TLCD4: variants seen among roughly 807,000 people sequenced by gnomAD.
The protein encoded by TLCD4 is TLC domain-containing protein 4.
A neutral mutation model predicts 24.2 loss-of-function variants in TLCD4; 7 were observed. That is an observed-to-expected ratio of 0.29 (90% confidence interval 0.16 to 0.54). TLCD4 has a LOEUF of 0.54. Among genes scored for constraint, TLCD4 ranks in the 20% least tolerant of loss-of-function variants. The pLI is 0.95. For missense variants in TLCD4, 259 were observed against 313.9 expected (o/e 0.82, Z 1.32); for synonymous variants, 103 against 106.4 (o/e 0.97, Z 0.20).
At chr1:95,131,449 G>A (rs1007977823) in intron 1 of TLCD4, among the ~76,000 whole-genome samples, 2 of 152,196 alleles carry the variant, frequency 1.3e-5, no homozygotes, top group African/African-American at 4.8e-5. Context: ...ACTGAGGCTG[G>A]AGAAGATGGA....
At position 95,159,284 on chromosome 1, in the gene TLCD4, C is replaced by T. The variant is rs533871919; in HGVS notation, c.399+7865C>T. Among the ~76,000 whole-genome samples, 662 of 152,284 alleles carry T rather than the reference C, an allele frequency of 4.3e-3. 6 individuals are homozygous for T. The highest frequency in any genetic ancestry group is 0.015 in the African/African-American group (611 of 41,560). On this transcript the variant is annotated intron_variant, in intron 5 of 6. Coordinates refer to ENST00000370203, the MANE Select transcript of TLCD4 (RefSeq NM_152487.3). ...TGATGATGAGCATTTTTTCACGTGT[C>T]TGTTGGCTGCATAGATGTCTTCTTT...
At chr1:95,180,645 G>A (rs115241682) in intron 6 of TLCD4, among the ~76,000 whole-genome samples, 2,530 of 152,188 alleles carry the variant, frequency 0.017, 38 homozygotes, top group East Asian at 0.072. Flanking sequence ...CCACACGCAG[G>A]TTTCTTTTAT....
intron 5 of TLCD4, among the ~76,000 whole-genome samples, chr1:95,167,175 A>G (rs1426418855): frequency 6.6e-6 from 1 of 152,086 alleles, no homozygotes; most frequent in Non-Finnish European, 1.5e-5. Flanking sequence ...CCCATTTTAC[A>G]AAAGGAGAAA....
rs752582716 is a variant in TLCD4 at position 95,181,087 on chromosome 1, ACT to A, written c.473+7201_473+7202del. The stretch of plus-strand genomic sequence containing the variant: ...ACTCCAGCCTGGGTGATAGAGTGAG[ACT>A]CTGTCTCAGAAAAAAACAAAAAATT... On this transcript the variant is annotated intron_variant, in intron 6 of 6. Coordinates refer to ENST00000370203, the MANE Select transcript of TLCD4 (RefSeq NM_152487.3). 2.6e-5 allele frequency among the ~76,000 whole-genome samples: 4 copies of A among 152,180 alleles called. No individual in the cohort carries two copies. In the East Asian group the frequency reaches 7.7e-4, roughly 29 times the overall value.
intron 5 of TLCD4, among the ~76,000 whole-genome samples, chr1:95,170,473 G>C (rs1039866099): frequency 6.6e-6 from 1 of 151,810 alleles, no homozygotes; most frequent in Admixed American, 6.6e-5. Context: ...GGGACTATAG[G>C]CACCCGCCAC....
At chr1:95,160,988 G>C (rs1027623453) in intron 5 of TLCD4, among the ~76,000 whole-genome samples, 14 of 152,144 alleles carry the variant, frequency 9.2e-5, no homozygotes, top group Admixed American at 5.9e-4. Flanking sequence ...TCTCTGCCAG[G>C]CTTTGGTATC....
chr1:95,173,610 G>GT (rs1201457016), intron 5 of TLCD4, among the ~76,000 whole-genome samples: 3 of 152,184 alleles, frequency 2.0e-5, no homozygotes, highest in Non-Finnish European at 2.9e-5. Context: ...ATAATTTACT[G>GT]TTTTTTAAAA....
chr1:95,194,451 CATTT>C lies in TLCD4; in HGVS notation c.*2587_*2590del, dbSNP rs1679130587. 7.3e-6 allele frequency: 1 copy of C among 137,610 alleles called. No homozygotes were observed. The highest frequency in any genetic ancestry group is 3.0e-5 in the African/African-American group (1 of 33,846). The allele number at this position is 137,610 out of a possible 1,614,324, so 8.5% of individuals were successfully genotyped here. ...ATCATTTACTGCACGATGAATTTTT[CATTT>C]ATTAAATGAAAAACGTTTGCTAGAC... is the stretch of plus-strand genomic sequence containing the variant. On this transcript the variant is annotated 3_prime_UTR_variant, in exon 7 of 7. Transcript: ENST00000370203.
chr1:95,146,939 C>T (rs1182253626), intron 2 of TLCD4, among the ~76,000 whole-genome samples: 2 of 152,024 alleles, frequency 1.3e-5, no homozygotes, highest in Non-Finnish European at 2.9e-5. Flanking sequence ...AGCTTTCTGA[C>T]TATGGTTACC....
Position 95,151,388 on chromosome 1 carries a change from G to T in TLCD4, c.368G>T (p.Cys123Phe), listed in dbSNP as rs778370564. The change falls in exon 5 of 7, where the codon TGT (cysteine) becomes TTT (phenylalanine). Residue 123 changes from cysteine (C) to phenylalanine (F), a missense_variant. Cys to Phe is a radical substitution (Grantham distance 205). Coordinates refer to ENST00000370203, the MANE Select transcript of TLCD4 (RefSeq NM_152487.3). Reference protein sequence around the residue: ...IGDKFFIMHHCASLYAYYLVL... With the variant: ...IGDKFFIMHHFASLYAYYLVL... ...GACAAATTTTTTATAATGCATCATT[G>T]TGCGTCCCTGTATGCATACTACCTT... The T allele has an allele frequency of 4.3e-6, 7 of 1,613,096 alleles. No individual in the cohort carries two copies. In the Admixed American group the frequency reaches 1.0e-4, roughly 23 times the overall value.
intron 6 of TLCD4, among the ~76,000 whole-genome samples, chr1:95,183,871 CAAA>C (rs1043676980): frequency 1.3e-5 from 2 of 150,934 alleles, no homozygotes; most frequent in African/African-American, 4.9e-5. Flanking sequence ...ACAAAAAAAA[CAAA>C]AAAACAAGAT....
At chr1:95,181,344 A>G (rs1178967519) in intron 6 of TLCD4, among the ~76,000 whole-genome samples, 2 of 152,220 alleles carry the variant, frequency 1.3e-5, no homozygotes, top group African/African-American at 4.8e-5. Flanking sequence ...GAAGCATATG[A>G]AAAATATCTA....
At chr1:95,144,729 C>T (rs1032858303) in intron 2 of TLCD4, among the ~76,000 whole-genome samples, 2 of 151,790 alleles carry the variant, frequency 1.3e-5, no homozygotes, top group African/African-American at 4.8e-5. Flanking sequence ...CCCGTTCTGT[C>T]GCCCAGGCTG....
chr1:95,157,673 G>A (rs1677671731), intron 5 of TLCD4, among the ~76,000 whole-genome samples: 1 of 152,230 alleles, frequency 6.6e-6, no homozygotes, highest in South Asian at 2.1e-4. Flanking sequence ...ATTGGTAGGA[G>A]TTCAGTGGGA....
At chr1:95,101,254 T>A in the TLCD4 span, among the ~76,000 whole-genome samples, 4 of 151,826 alleles carry the variant, frequency 2.6e-5, no homozygotes, top group Non-Finnish European at 4.4e-5. Context: ...TTCTTTTTAT[T>A]TTTGTTTCAT....
At chr1:95,174,827 G>A (rs1225075251) in intron 6 of TLCD4, among the ~76,000 whole-genome samples, 1 of 152,112 alleles carries the variant, frequency 6.6e-6, no homozygotes, top group Non-Finnish European at 1.5e-5. Flanking sequence ...CCAGGCTAGA[G>A]TGCAATGGCG....
rs961791573 is a variant in TLCD4, at chr1:95,117,632, AG to A, written c.-12+22del. On this transcript the variant is annotated intron_variant, in intron 1 of 6. Coordinates refer to ENST00000370203, the MANE Select transcript of TLCD4 (RefSeq NM_152487.3). ...ACCCGGCACAGGTGACGCCGTTTGG[AG>A]GGGGGGTTGGGGAGGAAGGCGGGCT... 2.6e-5 allele frequency: 4 copies of A among 151,208 alleles called. No individual in the cohort carries two copies. The highest frequency in any genetic ancestry group is 5.9e-5 in the Non-Finnish European group (4 of 67,972). 9.4% of individuals were successfully genotyped at this position (151,208 alleles called of 1,614,324 possible). A position where few individuals can be genotyped will look rare whatever the true frequency, so the allele number is the denominator to read the frequency against.
At chr1:95,120,931 G>C (rs1261749385) in intron 1 of TLCD4, 1 of 152,272 alleles carries the variant, frequency 6.6e-6, no homozygotes, top group African/African-American at 2.4e-5. Flanking sequence ...CAGTGGAGCA[G>C]GCTGGGCGGA....
intron 1 of TLCD4, among the ~76,000 whole-genome samples, chr1:95,122,120 G>C (rs1303181092): frequency 6.6e-6 from 1 of 152,216 alleles, no homozygotes; most frequent in African/African-American, 2.4e-5. Flanking sequence ...TCCCAGCGTG[G>C]AGGTGGGCAG....
Sources: gnomAD v4.1 joint callset for allele counts (sites outside exome capture counted in the v4.1 genomes callset) on GRCh38, gnomAD v4.1.1 for gene constraint, MANE v1.5 for transcripts, NCBI Gene and HGNC (gene_info 2026-07-23, HGNC 2026-07-21) for gene names.